The following ATP2B1 variants were observed in gnomAD, a reference collection of about 807,000 sequenced individuals.
ATP2B1 encodes the protein plasma membrane calcium-transporting ATPase 1.
ATP2B1 carries 14 observed loss-of-function variants against 124.2 expected under a neutral mutation model. The observed-to-expected ratio is 0.11, with a 90% CI of 0.07 to 0.18. The LOEUF (loss-of-function observed/expected upper bound fraction) is 0.18. Ranked by LOEUF, ATP2B1 falls within the 10% of genes least tolerant of loss-of-function variation. ATP2B1 has a pLI of 1.00. For missense variants in ATP2B1, 763 were observed against 1,466.1 expected (o/e 0.52, Z 7.83); for synonymous variants, 449 against 492.4 (o/e 0.91, Z 1.17).
intron 1 of ATP2B1, among the ~76,000 whole-genome samples, chr12:89,656,450 C>G (rs1477894913): frequency 6.6e-6 from 1 of 152,142 alleles, no homozygotes; most frequent in Non-Finnish European, 1.5e-5. Flanking sequence ...AATTTAATCC[C>G]ATGAGGTGTT....
chr12:89,683,265 A>T (rs1334857389), intron 1 of ATP2B1, among the ~76,000 whole-genome samples: 1 of 152,166 alleles, frequency 6.6e-6, no homozygotes, highest in Admixed American at 6.5e-5. Flanking sequence ...TTTCTTTTAC[A>T]CAGCCATGTG....
chr12:89,608,038 A>G (rs975429091), intron 15 of ATP2B1, among the ~76,000 whole-genome samples: 5 of 152,210 alleles, frequency 3.3e-5, no homozygotes, highest in South Asian at 2.1e-4. Flanking sequence ...ACTAAAAAAA[A>G]AACTCTAAGA....
chr12:89,604,253 G>A lies in ATP2B1; in HGVS notation c.2536C>T (p.Arg846Ter). 2 of 1,613,866 alleles carry A rather than the reference G, an allele frequency of 1.2e-6. No homozygotes were observed. Among genetic ancestry groups the A allele is most frequent in the Non-Finnish European group, 1.7e-6 (2 of 1,179,894 alleles). Residue 846 changes from arginine (R) to a stop codon, truncating the protein, a stop_gained, in exon 16 of 21, where the codon CGA becomes TGA. Coordinates refer to ENST00000428670, the MANE Select transcript of ATP2B1 (RefSeq NM_001366521.1). LOFTEE classifies it high-confidence loss of function. ...TTTGAGATGCTGTCATAGACATTTC[G>A]TCCCCACATAACTGCTTTAACAATG... is the stretch of plus-strand genomic sequence containing the variant. ...TSIVKAVMWG[R>*]NVYDSISKFL...
chr12:89,671,712 G>A (rs373866178), intron 1 of ATP2B1, among the ~76,000 whole-genome samples: 6 of 150,526 alleles, frequency 4.0e-5, no homozygotes, highest in African/African-American at 1.2e-4. Flanking sequence ...TTCCCATGTG[G>A]TAAATCTACA....
chr12:89,706,260 G>A (rs971424432), intron 1 of ATP2B1, among the ~76,000 whole-genome samples: 2 of 151,518 alleles, frequency 1.3e-5, no homozygotes, highest in Non-Finnish European at 2.9e-5. Context: ...TATTATTTAA[G>A]AACAAGCAAC....
chr12:89,605,329 T>C (rs914127343), intron 15 of ATP2B1, among the ~76,000 whole-genome samples: 2 of 152,192 alleles, frequency 1.3e-5, no homozygotes, highest in Admixed American at 6.5e-5. Flanking sequence ...AGTGCAGACA[T>C]GGAAACTCAG....
At chr12:89,650,787 T>C (rs1425843070) in intron 2 of ATP2B1, among the ~76,000 whole-genome samples, 1 of 152,066 alleles carries the variant, frequency 6.6e-6, no homozygotes, top group Admixed American at 6.5e-5. Flanking sequence ...CAGTATAAAA[T>C]ATAACATAGG....
chr12:89,628,043 AG>A (rs1881179010), intron 6 of ATP2B1, among the ~76,000 whole-genome samples: 2 of 152,164 alleles, frequency 1.3e-5, no homozygotes, highest in Admixed American at 6.5e-5. Context: ...AAAGCAGAAA[AG>A]GGCAGAGGTG....
chr12:89,628,458 T>TTGATGAGAG (rs917092601), intron 6 of ATP2B1, among the ~76,000 whole-genome samples: 2 of 146,114 alleles, frequency 1.4e-5, no homozygotes, highest in African/African-American at 5.1e-5. Context: ...CAGGAGAGTG[T>TTGATGAGAG]TGATGAGAGT....
intron 1 of ATP2B1, among the ~76,000 whole-genome samples, chr12:89,683,695 G>C (rs1169356956): frequency 2.6e-5 from 4 of 152,186 alleles, no homozygotes; most frequent in Non-Finnish European, 5.9e-5. Flanking sequence ...ATTTCTGACT[G>C]AGGATCCAGG....
chr12:89,680,582 A>G (rs1889219650), intron 1 of ATP2B1, among the ~76,000 whole-genome samples: 2 of 152,208 alleles, frequency 1.3e-5, no homozygotes, highest in African/African-American at 4.8e-5. Flanking sequence ...AAGGGTCAAG[A>G]GGTAGTAGCT....
At chr12:89,675,469 AT>A (rs1888490759) in intron 1 of ATP2B1, among the ~76,000 whole-genome samples, 1 of 152,122 alleles carries the variant, frequency 6.6e-6, no homozygotes, top group Admixed American at 6.6e-5. Flanking sequence ...TTTAAAAATT[AT>A]TATTTTGAAT....
chr12:89,632,036 C>T (rs1489048629), intron 5 of ATP2B1, among the ~76,000 whole-genome samples: 3 of 152,170 alleles, frequency 2.0e-5, no homozygotes, highest in South Asian at 2.1e-4. Context: ...AGTCTGCTTA[C>T]GGTTCTCCGA....
intron 15 of ATP2B1, among the ~76,000 whole-genome samples, chr12:89,605,941 C>T (rs1476081612): frequency 6.6e-6 from 1 of 151,916 alleles, no homozygotes; most frequent in Non-Finnish European, 1.5e-5. Flanking sequence ...TAGTTAAGTA[C>T]ATAGAAAAAC....
In ATP2B1 at chr12:89,695,149, C is replaced by T. The variant is rs138877201; in HGVS notation, c.-222+13447G>A. 8.9e-4 allele frequency among the ~76,000 whole-genome samples: 135 copies of T among 151,910 alleles called. No homozygotes were observed. The East Asian group carries it at 0.014, about 16-fold the overall frequency. On this transcript the variant is annotated intron_variant, in intron 1 of 20. Transcript: ENST00000428670. ...AGGTTTGACAGCAGATTCTAGAACG[C>T]TTTTCTTCTTTACTTGTATAAGAAT...
chr12:89,703,489 C>T (rs951388856), intron 1 of ATP2B1, among the ~76,000 whole-genome samples: 1 of 152,156 alleles, frequency 6.6e-6, no homozygotes, highest in Non-Finnish European at 1.5e-5. Flanking sequence ...TAACTTATGT[C>T]CTTTTAGTCT....
chr12:89,694,114 C>T (rs138501904), intron 1 of ATP2B1, among the ~76,000 whole-genome samples: 1 of 152,172 alleles, frequency 6.6e-6, no homozygotes, highest in African/African-American at 2.4e-5. Context: ...TCCTTTTATA[C>T]CCATAACTAT....
intron 2 of ATP2B1, among the ~76,000 whole-genome samples, chr12:89,645,520 A>C (rs568904729): frequency 1.6e-4 from 24 of 152,314 alleles, no homozygotes; most frequent in African/African-American, 5.5e-4. Flanking sequence ...GGGCCAATAG[A>C]ACTCTCTTAG....
At chr12:89,641,157 T>C (rs576804492) in intron 3 of ATP2B1, among the ~76,000 whole-genome samples, 81 of 152,188 alleles carry the variant, frequency 5.3e-4, no homozygotes, top group Non-Finnish European at 1.1e-3. Flanking sequence ...AAATGCATGC[T>C]AGATTTCCTA....
Sources: allele counts gnomAD v4.1 joint callset (sites outside exome capture counted in the v4.1 genomes callset), GRCh38; gene constraint gnomAD v4.1.1; transcripts MANE v1.5; gene names NCBI Gene and HGNC (gene_info 2026-07-23, HGNC 2026-07-21).